KCNJ3: variants seen among roughly 807,000 people sequenced by gnomAD.
KCNJ3 encodes potassium inwardly rectifying channel subfamily J member 3.
A neutral mutation model predicts 39.2 loss-of-function variants in KCNJ3; 4 were observed. The observed-to-expected ratio is 0.10, with a 90% CI of 0.05 to 0.23. The LOEUF is 0.23. Among genes scored for constraint, KCNJ3 ranks in the 10% least tolerant of loss-of-function variants. The pLI, the probability that KCNJ3 is intolerant of heterozygous loss-of-function variation, is 1.00. For missense variants in KCNJ3, 276 were observed against 634.9 expected, an observed-to-expected ratio of 0.43 and a Z score of 6.08; for synonymous variants, 230 against 237.4, an observed-to-expected ratio of 0.97 and a Z score of 0.29.
At chr2:154,770,170 T>G (rs996429439) in intron 2 of KCNJ3, among the ~76,000 whole-genome samples, 10 of 152,208 alleles carry the variant, frequency 6.6e-5, no homozygotes, top group African/African-American at 2.4e-4. Flanking sequence ...CCACAAAATT[T>G]ATAATCATGA....
At chr2:154,791,054 G>A (rs567828415) in intron 2 of KCNJ3, among the ~76,000 whole-genome samples, 1 of 152,188 alleles carries the variant, frequency 6.6e-6, no homozygotes, top group Non-Finnish European at 1.5e-5. Context: ...GTTTGGAGGA[G>A]GTGAGGAAGA....
intron 2 of KCNJ3, among the ~76,000 whole-genome samples, chr2:154,772,104 A>G (rs1558870192): frequency 6.6e-6 from 1 of 152,188 alleles, no homozygotes; most frequent in Non-Finnish European, 1.5e-5. Context: ...ACATAAATTG[A>G]TACTGAGAAA....
At chr2:154,771,635 G>GT (rs1302025409) in intron 2 of KCNJ3, among the ~76,000 whole-genome samples, 1 of 152,158 alleles carries the variant, frequency 6.6e-6, no homozygotes, top group Non-Finnish European at 1.5e-5. Context: ...CTCTGGACCA[G>GT]TTATCAAGCA....
intron 2 of KCNJ3, among the ~76,000 whole-genome samples, chr2:154,813,548 T>C (rs1256254795): frequency 6.6e-6 from 1 of 152,196 alleles, no homozygotes; most frequent in Non-Finnish European, 1.5e-5. Flanking sequence ...TGGTAGAACA[T>C]AGGTTTAGAT....
intron 2 of KCNJ3, among the ~76,000 whole-genome samples, chr2:154,747,311 A>T (rs1359316894): frequency 1.3e-5 from 2 of 152,108 alleles, no homozygotes; most frequent in African/African-American, 4.8e-5. Context: ...TTTGTAAAGT[A>T]GAAGAGTTGT....
intron 2 of KCNJ3, among the ~76,000 whole-genome samples, chr2:154,729,711 C>T (rs1158718134): frequency 6.6e-6 from 1 of 151,992 alleles, no homozygotes; most frequent in Non-Finnish European, 1.5e-5. Context: ...GACTAAGATG[C>T]TATATATAAA....
chr2:154,787,014 T>G (rs2105207450), intron 2 of KCNJ3, among the ~76,000 whole-genome samples: 1 of 152,308 alleles, frequency 6.6e-6, no homozygotes, highest in African/African-American at 2.4e-5. Flanking sequence ...ATGCTGTTAA[T>G]AATGATAACG....
Position 154,821,324 on chromosome 2 carries a change from C to T in KCNJ3, c.920-33403C>T, listed in dbSNP as rs79480916. 5.9e-4 allele frequency among the ~76,000 whole-genome samples: 90 copies of T among 152,276 alleles called. 1 individual carries two copies. In the East Asian group the frequency reaches 9.5e-3, roughly 16 times the overall value. On this transcript the variant is annotated intron_variant, in intron 2 of 2. Transcript: ENST00000295101. ...CATAGCCTGGATGTGAGAGTCAAGA[C>T]ATAGACACTATTTCTTGAAAGTGCA...
At chr2:154,723,067 G>GC (rs1178877635) in intron 2 of KCNJ3, among the ~76,000 whole-genome samples, 1 of 151,948 alleles carries the variant, frequency 6.6e-6, no homozygotes, top group East Asian at 1.9e-4. Flanking sequence ...GATTACTTGA[G>GC]CCCCCAGGAA....
intron 2 of KCNJ3, among the ~76,000 whole-genome samples, chr2:154,727,187 C>A (rs946002990): frequency 1.3e-5 from 2 of 152,224 alleles, no homozygotes; most frequent in African/African-American, 4.8e-5. Context: ...TAAAAAACTT[C>A]TATTTTACTA....
At chr2:154,700,441 G>A (rs1325609215) in intron 1 of KCNJ3, among the ~76,000 whole-genome samples, 1 of 152,166 alleles carries the variant, frequency 6.6e-6, no homozygotes, top group Admixed American at 6.5e-5. Flanking sequence ...CTCTGTGTGT[G>A]ATTTACAATT....
intron 2 of KCNJ3, among the ~76,000 whole-genome samples, chr2:154,748,471 C>G (rs16838068): frequency 1.3e-5 from 2 of 151,962 alleles, no homozygotes; most frequent in Non-Finnish European, 2.9e-5. Flanking sequence ...TCCTTTCAAA[C>G]TGCTATGGAG....
At chr2:154,756,556 T>G in intron 2 of KCNJ3, among the ~76,000 whole-genome samples, 1 of 150,492 alleles carries the variant, frequency 6.6e-6, no homozygotes. Context: ...ATGTGTGATG[T>G]TCCCCTCCCT....
At chr2:154,751,429 C>T (rs1685843288) in intron 2 of KCNJ3, among the ~76,000 whole-genome samples, 1 of 151,918 alleles carries the variant, frequency 6.6e-6, no homozygotes, top group Non-Finnish European at 1.5e-5. Context: ...AAGTATGTGA[C>T]ATTTCAAATT....
chr2:154,852,974 T>TA (rs928412124), intron 2 of KCNJ3, among the ~76,000 whole-genome samples: 41 of 151,192 alleles, frequency 2.7e-4, no homozygotes, highest in Admixed American at 7.9e-4. Context: ...AACAACAATT[T>TA]AAAAAAAAAC....
chr2:154,705,865 T>C (rs1409956731), intron 1 of KCNJ3, among the ~76,000 whole-genome samples: 2 of 152,124 alleles, frequency 1.3e-5, no homozygotes, highest in Non-Finnish European at 1.5e-5. Context: ...CAACAAGATA[T>C]ACTAAAATGG....
In KCNJ3 at chr2:154,699,622, A is replaced by G. The variant is rs988250163; in HGVS notation, c.702+145A>G. 1.6e-6 allele frequency: 2 copies of G among 1,217,964 alleles called. No individual in the cohort carries two copies. The highest frequency in any genetic ancestry group is 3.1e-5 in the African/African-American group (2 of 65,334). The allele number at this position is 1,217,964 out of a possible 1,614,324, so 75.4% of individuals were successfully genotyped here. ...TTCCTTTTGGGGGGTTGGGGGTTGG[A>G]GGACTGGGCAAAGAATGCGGTTGAC... On this transcript the variant is annotated intron_variant, in intron 1 of 2. Transcript: ENST00000295101. This position sits in a 1 kb window ranked among gnomAD's most constrained non-coding sequence, Gnocchi z 6.4.
intron 2 of KCNJ3, among the ~76,000 whole-genome samples, chr2:154,780,604 G>A (rs1574459957): frequency 1.3e-5 from 2 of 151,898 alleles, no homozygotes; most frequent in Middle Eastern, 3.4e-3. Flanking sequence ...AGTGAGGGGG[G>A]TTGGGGGTCA....
intron 2 of KCNJ3, among the ~76,000 whole-genome samples, chr2:154,756,957 A>G (rs991351738): frequency 1.2e-4 from 18 of 152,092 alleles, no homozygotes; most frequent in African/African-American, 4.1e-4. Flanking sequence ...ATAATCTTGG[A>G]AAAATTGAAC....
Sources: gnomAD v4.1 joint callset for allele counts (sites outside exome capture counted in the v4.1 genomes callset) on GRCh38, gnomAD v4.1.1 for gene constraint, Gnocchi (gnomAD v3.1) non-coding constraint, MANE v1.5 for transcripts, NCBI Gene and HGNC (gene_info 2026-07-23, HGNC 2026-07-21) for gene names.